PGM5: variants seen among roughly 807,000 people sequenced by gnomAD.
PGM5 encodes phosphoglucomutase-like protein 5.
Under a neutral mutation model 59.2 loss-of-function variants are expected in PGM5, and 23 were observed. That is an observed-to-expected ratio of 0.39 (90% confidence interval 0.28 to 0.55). The LOEUF (loss-of-function observed/expected upper bound fraction) is 0.55, where lower values mean the gene tolerates loss of function less well. PGM5 is among the 20% of genes least tolerant of loss of function. PGM5 has a pLI of 0.66. For missense variants in PGM5, 574 were observed against 748.3 expected, an observed-to-expected ratio of 0.77 and a Z score of 2.72; for synonymous variants, 214 against 286.0, an observed-to-expected ratio of 0.75 and a Z score of 2.54.
chr9:68,526,025 C>T (rs1389205467), intron 10 of PGM5, among the ~76,000 whole-genome samples: 2 of 151,056 alleles, frequency 1.3e-5, no homozygotes, highest in African/African-American at 4.9e-5. Flanking sequence ...CACTGCACTC[C>T]AGCCTGGGCG....
At chr9:68,381,927 A>G (rs1822087325) in intron 2 of PGM5, among the ~76,000 whole-genome samples, 1 of 151,986 alleles carries the variant, frequency 6.6e-6, no homozygotes, top group Non-Finnish European at 1.5e-5. Context: ...ATGGATCAAA[A>G]ACATTAATAT....
At chr9:68,368,047 A>G (rs1394756216) in intron 1 of PGM5, among the ~76,000 whole-genome samples, 3 of 152,240 alleles carry the variant, frequency 2.0e-5, no homozygotes, top group African/African-American at 7.2e-5. Flanking sequence ...ATTAAGGTGC[A>G]GTGCCAGATG....
Position 68,388,608 on chromosome 9 carries a change from C to T in PGM5, c.697+1020C>T, listed in dbSNP as rs563600085. ...TCCAGGAACTCAGTGAGAGAAAGCT[C>T]ATGGTAGGTAAATATTTTGTGTATT... On this transcript the variant is annotated intron_variant, in intron 4 of 10. Transcript: ENST00000396396. 1.7e-3 allele frequency among the ~76,000 whole-genome samples: 264 copies of T among 152,110 alleles called. 1 individual carries two copies. The highest frequency in any genetic ancestry group is 5.8e-3 in the African/African-American group (242 of 41,494).
intron 6 of PGM5, among the ~76,000 whole-genome samples, chr9:68,433,524 TCA>T (rs1425530608): frequency 6.6e-6 from 1 of 152,248 alleles, no homozygotes; most frequent in African/African-American, 2.4e-5. Context: ...ACTTTTTCTT[TCA>T]CAGTTTTTTG....
At chr9:68,465,956 A>T (rs553594024) in intron 7 of PGM5, among the ~76,000 whole-genome samples, 2 of 152,234 alleles carry the variant, frequency 1.3e-5, no homozygotes, top group South Asian at 4.2e-4. Flanking sequence ...ATTCTCTTGA[A>T]TTCTTGGCTC....
chr9:68,530,529 G>T lies in PGM5; in HGVS notation c.*873G>T, dbSNP rs971695020. ...AAGGCAAAAAGACCACCATGTGTGA[G>T]AGCTCTTTGACTTGGCCAATAGGGG... is the stretch of plus-strand genomic sequence containing the variant. On this transcript the variant is annotated 3_prime_UTR_variant, in exon 11 of 11. Transcript: ENST00000396396. 1 of 152,224 alleles carries T rather than the reference G, an allele frequency of 6.6e-6. No individual in the cohort carries two copies. Among genetic ancestry groups the T allele is most frequent in the Non-Finnish European group, 1.5e-5 (1 of 68,050 alleles). The allele number at this position is 152,224 out of a possible 1,614,324, so 9.4% of individuals were successfully genotyped here. A position where few individuals can be genotyped will look rare whatever the true frequency, so the allele number is the denominator to read the frequency against.
chr9:68,510,663 G>A (rs1313473574), intron 10 of PGM5, among the ~76,000 whole-genome samples: 3 of 152,138 alleles, frequency 2.0e-5, no homozygotes, highest in African/African-American at 7.2e-5. Flanking sequence ...CGTTTTAGAG[G>A]TTTACTTTGC....
intron 6 of PGM5, among the ~76,000 whole-genome samples, chr9:68,412,896 C>G (rs1822958094): frequency 6.6e-6 from 1 of 152,130 alleles, no homozygotes; most frequent in African/African-American, 2.4e-5. Flanking sequence ...GGTCCTTGGT[C>G]TTTTGTGTGG....
intron 3 of PGM5, among the ~76,000 whole-genome samples, chr9:68,386,448 T>A (rs1822220311): frequency 6.6e-6 from 1 of 152,218 alleles, no homozygotes; most frequent in African/African-American, 2.4e-5. Flanking sequence ...TATTTTTAGA[T>A]ATGTATTTGA....
chr9:68,472,415 C>G (rs1423713104), intron 7 of PGM5, among the ~76,000 whole-genome samples: 1 of 144,158 alleles, frequency 6.9e-6, no homozygotes, highest in South Asian at 2.4e-4. Flanking sequence ...GGAGAATGGT[C>G]TCATGTAAAC....
At position 68,529,598 on chromosome 9, in the gene PGM5, T is replaced by C. The variant is rs780108363; in HGVS notation, c.1646T>C (p.Leu549Pro). Reference protein sequence around the residue: ...AVLSPLIAIALKISQIHERTG... With the variant: ...AVLSPLIAIAPKISQIHERTG... ...CTGAGCCCTCTCATAGCCATCGCAC[T>C]GAAAATATCCCAGATTCATGAGAGA... is the stretch of plus-strand genomic sequence containing the variant. Residue 549 changes from leucine (L) to proline (P), a missense_variant, in exon 11 of 11, where the codon CTG (leucine) becomes CCG (proline). Leu to Pro is a moderately conservative substitution (Grantham distance 98). Around this residue, in one of 7 missense-constraint regions of PGM5, gnomAD observed 300 missense variants for 280.0 expected, o/e 1.07. Transcript: ENST00000396396. 8 of 1,600,084 alleles carry C rather than the reference T, an allele frequency of 5.0e-6. No homozygotes were observed. The highest frequency in any genetic ancestry group is 5.1e-6 in the Non-Finnish European group (6 of 1,171,010).
chr9:68,369,532 C>G (rs1476888212), intron 1 of PGM5, among the ~76,000 whole-genome samples: 2 of 151,626 alleles, frequency 1.3e-5, no homozygotes, highest in African/African-American at 4.8e-5. Flanking sequence ...GAAATAGCCT[C>G]ATTACCAGGA....
intron 6 of PGM5, among the ~76,000 whole-genome samples, chr9:68,460,571 GGA>G (rs1341895994): frequency 2.0e-5 from 3 of 152,092 alleles, no homozygotes; most frequent in African/African-American, 4.8e-5. Flanking sequence ...ATTCATACCT[GGA>G]GAAATTCTTT....
chr9:68,496,608 A>G (rs1824486862), intron 9 of PGM5, among the ~76,000 whole-genome samples: 1 of 152,270 alleles, frequency 6.6e-6, no homozygotes, highest in South Asian at 2.1e-4. Context: ...CCAGGCTACC[A>G]GACATAGGTT....
chr9:68,447,293 C>T (rs1478921612), intron 6 of PGM5, among the ~76,000 whole-genome samples: 1 of 152,216 alleles, frequency 6.6e-6, no homozygotes, highest in Non-Finnish European at 1.5e-5. Flanking sequence ...CCTGACATTA[C>T]TTGTACTTGC....
At chr9:68,477,375 G>A (rs1050663994) in intron 7 of PGM5, among the ~76,000 whole-genome samples, 3 of 152,152 alleles carry the variant, frequency 2.0e-5, no homozygotes, top group African/African-American at 2.4e-5. Context: ...TCACAAGTAC[G>A]GTAAATGGTC....
chr9:68,411,782 T>C (rs1822939874), intron 6 of PGM5, among the ~76,000 whole-genome samples: 2 of 152,194 alleles, frequency 1.3e-5, no homozygotes. Context: ...TGAGGATGCT[T>C]AGAGGAAACC....
intron 6 of PGM5, among the ~76,000 whole-genome samples, chr9:68,447,398 T>C (rs552456581): frequency 1.3e-5 from 2 of 152,194 alleles, no homozygotes; most frequent in African/African-American, 2.4e-5. Context: ...CATTCACTTC[T>C]GTACAGTGAG....
intron 4 of PGM5, among the ~76,000 whole-genome samples, chr9:68,389,546 T>C (rs1400081853): frequency 1.3e-5 from 2 of 152,276 alleles, no homozygotes; most frequent in Non-Finnish European, 1.5e-5. Context: ...ATAATTTCGA[T>C]ATACATTCCT....
Sources: allele counts gnomAD v4.1 joint callset (sites outside exome capture counted in the v4.1 genomes callset), GRCh38; gene constraint gnomAD v4.1.1; regional missense constraint gnomAD v4.1.1; transcripts MANE v1.5; gene names NCBI Gene and HGNC (gene_info 2026-07-23, HGNC 2026-07-21).